ADAM12: variants seen among roughly 807,000 people sequenced by gnomAD.
ADAM12 encodes disintegrin and metalloproteinase domain-containing protein 12.
A neutral mutation model predicts 106.4 loss-of-function variants in ADAM12; 70 were observed. That is an observed-to-expected ratio of 0.66 (90% CI 0.54 to 0.80). The LOEUF (loss-of-function observed/expected upper bound fraction) is 0.80. Ranked by LOEUF, ADAM12 falls within the 30% of genes least tolerant of loss-of-function variation. The probability of loss-of-function intolerance (pLI) is 0.00; values close to 1 mark genes in which losing one functional copy is unlikely to be tolerated. For synonymous variants in ADAM12, 420 were observed against 433.5 expected (o/e 0.97, Z 0.39); for missense variants, 1,010 against 1,171.9 (o/e 0.86, Z 2.02).
intron 4 of ADAM12, among the ~76,000 whole-genome samples, chr10:126,149,239 C>A (rs537214103): frequency 3.3e-5 from 5 of 152,220 alleles, no homozygotes; most frequent in African/African-American, 9.6e-5. Flanking sequence ...CACATGGAGA[C>A]AAACACTATC....
intron 3 of ADAM12, among the ~76,000 whole-genome samples, chr10:126,245,593 G>A (rs77381112): frequency 0.015 from 2,208 of 152,166 alleles, 22 homozygotes; most frequent in Middle Eastern, 0.051. Flanking sequence ...AAAGAATCCA[G>A]ACCCCAGGGC....
chr10:126,012,966 G>C lies in ADAM12; in HGVS notation c.*4313C>G, dbSNP rs1953595423. 6.6e-6 allele frequency: 1 copy of C among 152,186 alleles called. No individual in the cohort carries two copies. Among genetic ancestry groups the C allele is most frequent in the Admixed American group, 6.5e-5 (1 of 15,274 alleles). 9.4% of individuals were successfully genotyped at this position (152,186 alleles called of 1,614,324 possible). A position where few individuals can be genotyped will look rare whatever the true frequency, so the allele number is the denominator to read the frequency against. ...GAGTTACCTTATAGGAGAATCATGGGGAACAGAGAAACTGCTTTTTGAAGA... is the reference window on the plus strand; with the variant it reads ...GAGTTACCTTATAGGAGAATCATGGCGAACAGAGAAACTGCTTTTTGAAGA... On this transcript the variant is annotated 3_prime_UTR_variant, in exon 23 of 23. Coordinates refer to ENST00000448723, the MANE Select transcript of ADAM12 (RefSeq NM_001288973.2).
rs549252339 is a variant in ADAM12 at position 126,235,401 on chromosome 10, G to A, written c.260+43514C>T. 1.7e-4 allele frequency among the ~76,000 whole-genome samples: 26 copies of A among 152,318 alleles called. No homozygotes were observed. In the East Asian group the frequency reaches 4.1e-3, roughly 24 times the overall value. On this transcript the variant is annotated intron_variant, in intron 3 of 22. Coordinates refer to ENST00000448723, the MANE Select transcript of ADAM12 (RefSeq NM_001288973.2). ...GCAAGAGAGGACACATCTGGAGGACGACAGGAAGAGGCTCTGGGAGAGATG... is the reference window on the plus strand; with the variant it reads ...GCAAGAGAGGACACATCTGGAGGACAACAGGAAGAGGCTCTGGGAGAGATG...
intron 3 of ADAM12, among the ~76,000 whole-genome samples, chr10:126,158,865 C>T (rs970524775): frequency 5.1e-5 from 7 of 138,558 alleles, no homozygotes; most frequent in African/African-American, 1.4e-4. Flanking sequence ...GGGGAGGGTG[C>T]GCAGAGCATG....
At chr10:126,123,704 G>A (rs1160715765) in intron 5 of ADAM12, among the ~76,000 whole-genome samples, 1 of 152,210 alleles carries the variant, frequency 6.6e-6, no homozygotes, top group Non-Finnish European at 1.5e-5. Flanking sequence ...CGGGACCTGT[G>A]TGCCCCGGGC....
chr10:126,043,193 T>C lies in ADAM12; in HGVS notation c.1996-45A>G. The C allele has an allele frequency of 3.2e-6, 5 of 1,570,490 alleles. No homozygotes were observed. The highest frequency in any genetic ancestry group is 4.4e-6 in the Non-Finnish European group (5 of 1,145,130). On this transcript the variant is annotated intron_variant, in intron 17 of 22. Coordinates refer to ENST00000448723, the MANE Select transcript of ADAM12 (RefSeq NM_001288973.2). This position sits in a 1 kb window ranked among gnomAD's most constrained non-coding sequence, Gnocchi z 4.1. ...GGACGTGGGGTTAGGGCATATGCTC[T>C]GTGCATCACCACAGCAGAAGCAAGG...
Position 126,019,611 on chromosome 10 carries a change from A to T in ADAM12, c.2660+84T>A, listed in dbSNP as rs916998452. The T allele has an allele frequency of 6.5e-6, 10 of 1,533,504 alleles. No individual in the cohort carries two copies. In the African/African-American group the frequency reaches 1.4e-4, roughly 21 times the overall value. 95.0% of individuals were successfully genotyped at this position (1,533,504 alleles called of 1,614,324 possible). A position where few individuals can be genotyped will look rare whatever the true frequency, so the allele number is the denominator to read the frequency against. On this transcript the variant is annotated intron_variant, in intron 22 of 22. Coordinates refer to ENST00000448723, the MANE Select transcript of ADAM12 (RefSeq NM_001288973.2). ...CAGGAAGCACGGCCTAGACCACTGC[A>T]CCCCTGTCCTGGCTTGGATTAGTCG...
intron 2 of ADAM12, among the ~76,000 whole-genome samples, chr10:126,286,538 G>A (rs1590733981): frequency 6.6e-6 from 1 of 152,206 alleles, no homozygotes; most frequent in East Asian, 1.9e-4. Context: ...GCTTCAGGCT[G>A]CAGCCTTGGC....
At chr10:126,118,278 T>G in intron 5 of ADAM12, 54 bp from the exon 6 acceptor site, 1 of 1,320,836 alleles carries the variant, frequency 7.6e-7, no homozygotes, top group African/African-American at 1.5e-5. Context: ...GCTTCTTGTT[T>G]ATGGCCAAGA....
At chr10:126,332,273 C>T (rs1020823422) in intron 1 of ADAM12, among the ~76,000 whole-genome samples, 1 of 152,182 alleles carries the variant, frequency 6.6e-6, no homozygotes. Context: ...GAGCCAGCTC[C>T]CTCCGTCTAT....
chr10:126,025,753 G>T (rs1045514812), intron 21 of ADAM12, among the ~76,000 whole-genome samples: 18 of 152,164 alleles, frequency 1.2e-4, no homozygotes, highest in African/African-American at 4.3e-4. Context: ...TATAATCCAG[G>T]ATAACTTCCC....
At chr10:126,170,073 T>G (rs1471363624) in intron 3 of ADAM12, among the ~76,000 whole-genome samples, 1 of 152,194 alleles carries the variant, frequency 6.6e-6, no homozygotes, top group African/African-American at 2.4e-5. Context: ...TAATTGGTGC[T>G]TTGAGGCAGA....
At chr10:126,236,777 C>T (rs1029724134) in intron 3 of ADAM12, among the ~76,000 whole-genome samples, 1 of 151,988 alleles carries the variant, frequency 6.6e-6, no homozygotes, top group African/African-American at 2.4e-5. Context: ...GAAGGAGCAC[C>T]CGCAGGAAGG....
At chr10:126,095,896 T>C (rs1482905769) in intron 10 of ADAM12, among the ~76,000 whole-genome samples, 2 of 152,196 alleles carry the variant, frequency 1.3e-5, no homozygotes, top group Non-Finnish European at 2.9e-5. Context: ...AAAACAAATA[T>C]GATACTGAAT....
intron 1 of ADAM12, among the ~76,000 whole-genome samples, chr10:126,345,102 A>C (rs1855085953): frequency 1.3e-5 from 2 of 152,310 alleles, no homozygotes; most frequent in Admixed American, 6.5e-5. Flanking sequence ...GTCTTGTGCC[A>C]GTTTTGAAAG....
At chr10:126,065,268 C>A (rs944939960) in intron 13 of ADAM12, among the ~76,000 whole-genome samples, 1 of 152,164 alleles carries the variant, frequency 6.6e-6, no homozygotes, top group East Asian at 1.9e-4. Context: ...AAGAAACACA[C>A]AAGCTGGCTG....
intron 5 of ADAM12, among the ~76,000 whole-genome samples, chr10:126,121,130 A>AGTATATATAGTATATAGTAT (rs369707256): frequency 1.3e-5 from 1 of 75,608 alleles, no homozygotes; most frequent in Non-Finnish European, 2.2e-5. Flanking sequence ...TAGTATATAT[A>AGTATATATAGTATATAGTAT]CTATATACTA....
rs528098701 is a variant in ADAM12 at position 126,177,696 on chromosome 10, C to T, written c.261-22391G>A. 2.0e-4 allele frequency among the ~76,000 whole-genome samples: 30 copies of T among 152,254 alleles called. No homozygotes were observed. In the South Asian group the frequency reaches 5.0e-3, roughly 25 times the overall value. ...CCCAGGGAAGAATGCGGATACAAAT[C>T]GGCAAATGAACAACAACAAAAAAAT... On this transcript the variant is annotated intron_variant, in intron 3 of 22. Coordinates refer to ENST00000448723, the MANE Select transcript of ADAM12 (RefSeq NM_001288973.2).
intron 2 of ADAM12, among the ~76,000 whole-genome samples, chr10:126,309,294 C>G (rs1237195307): frequency 6.6e-6 from 1 of 152,118 alleles, no homozygotes; most frequent in Non-Finnish European, 1.5e-5. Context: ...CTGTTGTCAG[C>G]CATCTTGCCA....
Sources: allele counts gnomAD v4.1 joint callset (sites outside exome capture counted in the v4.1 genomes callset), GRCh38; gene constraint gnomAD v4.1.1; non-coding constraint Gnocchi (gnomAD v3.1); transcripts MANE v1.5; gene names NCBI Gene and HGNC (gene_info 2026-07-23, HGNC 2026-07-21).